Variants in PPP2R5E observed in about 807,000 individuals in gnomAD.
PPP2R5E encodes serine/threonine-protein phosphatase 2A 56 kDa regulatory subunit epsilon isoform.
Under a neutral mutation model 65.3 loss-of-function variants are expected in PPP2R5E, and 4 were observed. The observed-to-expected ratio is 0.06, with a 90% CI of 0.03 to 0.14. PPP2R5E has a LOEUF of 0.14. Ranked by LOEUF, PPP2R5E falls within the 10% of genes least tolerant of loss-of-function variation. The pLI is 1.00. For missense variants in PPP2R5E, 274 were observed against 556.1 expected (o/e 0.49, Z 5.10); for synonymous variants, 183 against 187.4 (o/e 0.98, Z 0.19).
chr14:63,382,116 A>G lies in PPP2R5E; in HGVS notation c.1244T>C (p.Met415Thr). 6.2e-7 allele frequency: 1 copy of G among 1,614,068 alleles called. No homozygotes were observed. Among genetic ancestry groups the G allele is most frequent in the Non-Finnish European group, 8.5e-7 (1 of 1,179,944 alleles). Residue 415 changes from methionine (M) to threonine (T), a missense_variant, in exon 13 of 14, where the codon ATG (methionine) becomes ACG (threonine). Coordinates refer to ENST00000337537, the MANE Select transcript of PPP2R5E (RefSeq NM_006246.5). ...ALVYNVLKAFMEMNSTMFDEL... is the reference protein window; with the variant it reads ...ALVYNVLKAFTEMNSTMFDEL... ...GTCAAACATGGTGCTGTTCATTTCC[A>G]TAAATGCCTTCAACACATTGTACAC...
intron 2 of PPP2R5E, among the ~76,000 whole-genome samples, chr14:63,478,921 G>A (rs572307136): frequency 6.0e-5 from 9 of 151,114 alleles, no homozygotes; most frequent in Non-Finnish European, 8.8e-5. Flanking sequence ...CCAGGAGTTC[G>A]AGACCAGCCT....
In PPP2R5E at chr14:63,496,711, T is replaced by G. The variant is rs538503894; in HGVS notation, c.157+42818A>C. On this transcript the variant is annotated intron_variant, in intron 2 of 13. Coordinates refer to ENST00000337537, the MANE Select transcript of PPP2R5E (RefSeq NM_006246.5). ...AATGATTCTAATTTTCCTTTTCAAT[T>G]TATTGATCTGAGTAATCAAAACTAA... 3.5e-4 allele frequency among the ~76,000 whole-genome samples: 54 copies of G among 152,252 alleles called. 1 individual carries two copies. Among genetic ancestry groups the G allele is most frequent in the African/African-American group, 1.3e-3 (53 of 41,544 alleles).
chr14:63,484,806 A>T (rs1890900279), intron 2 of PPP2R5E, among the ~76,000 whole-genome samples: 1 of 152,180 alleles, frequency 6.6e-6, no homozygotes. Context: ...TTATGGCCTA[A>T]TATTTTAGTA....
intron 4 of PPP2R5E, among the ~76,000 whole-genome samples, chr14:63,417,219 A>G (rs1378460067): frequency 6.6e-6 from 1 of 152,236 alleles, no homozygotes; most frequent in African/African-American, 2.4e-5. Flanking sequence ...TATCTAAAAA[A>G]TCACATTCTT....
chr14:63,485,238 T>G (rs984589321), intron 2 of PPP2R5E, among the ~76,000 whole-genome samples: 3 of 151,760 alleles, frequency 2.0e-5, no homozygotes, highest in African/African-American at 7.3e-5. Flanking sequence ...CAATATGAAT[T>G]AAGATATGTG....
intron 2 of PPP2R5E, among the ~76,000 whole-genome samples, chr14:63,482,874 T>C (rs1890783978): frequency 6.6e-6 from 1 of 152,152 alleles, no homozygotes; most frequent in African/African-American, 2.4e-5. Context: ...CTTGAACAAA[T>C]AATTTTGAGC....
intron 2 of PPP2R5E, among the ~76,000 whole-genome samples, chr14:63,484,323 T>C (rs1239374718): frequency 1.4e-5 from 2 of 147,576 alleles, no homozygotes; most frequent in African/African-American, 2.6e-5. Flanking sequence ...GATCGATCTC[T>C]TTCTTTCTCT....
rs534076468 is a variant in PPP2R5E, at chr14:63,463,600, C to CTT, written c.158-9717_158-9716dup. 4.3e-5 allele frequency among the ~76,000 whole-genome samples: 6 copies of CTT among 139,222 alleles called. No homozygotes were observed. In the East Asian group the frequency reaches 6.3e-4, roughly 15 times the overall value. The allele number at this position is 139,222 out of a possible 152,430, so 91.3% of individuals were successfully genotyped here. A position where few individuals can be genotyped will look rare whatever the true frequency, so the allele number is the denominator to read the frequency against. On this transcript the variant is annotated intron_variant, in intron 2 of 13. Transcript: ENST00000337537. ...ACAACTTATTTAAAACTCGAATTCG[C>CTT]TTTTTTTTTTTTTTGATACGGAGTC...
intron 3 of PPP2R5E, among the ~76,000 whole-genome samples, chr14:63,447,376 T>C (rs1330682368): frequency 1.3e-5 from 2 of 152,244 alleles, no homozygotes; most frequent in Non-Finnish European, 2.9e-5. Context: ...CACCTTGCAC[T>C]TTTATGTTAG....
intron 2 of PPP2R5E, among the ~76,000 whole-genome samples, chr14:63,485,611 T>C (rs1594929329): frequency 6.6e-6 from 1 of 151,526 alleles, no homozygotes; most frequent in Non-Finnish European, 1.5e-5. Context: ...ACGGGGTTTC[T>C]CCATGTTGGT....
chr14:63,429,022 G>A (rs909471826), intron 3 of PPP2R5E, among the ~76,000 whole-genome samples: 1 of 152,102 alleles, frequency 6.6e-6, no homozygotes, highest in African/African-American at 2.4e-5. Context: ...CGAAAGATAA[G>A]GACAATACAA....
Position 63,374,636 on chromosome 14 carries a change from TATATATA to T in PPP2R5E, c.*1366_*1372del, listed in dbSNP as rs1403817144. 3 of 42,184 alleles carry T rather than the reference TATATATA, an allele frequency of 7.1e-5. No homozygotes were observed. The highest frequency in any genetic ancestry group is 1.9e-4 in the African/African-American group (3 of 15,658). The allele number at this position is 42,184 out of a possible 1,614,324, so 2.6% of individuals were successfully genotyped here. A position where few individuals can be genotyped will look rare whatever the true frequency, so the allele number is the denominator to read the frequency against. On this transcript the variant is annotated 3_prime_UTR_variant, in exon 14 of 14. Coordinates refer to ENST00000337537, the MANE Select transcript of PPP2R5E (RefSeq NM_006246.5). ...AATACAAAGCAGAGAGCCAATAAGA[TATATATA>T]TATATATATATATATATATATATAT...
chr14:63,435,533 G>C (rs1316956854), intron 3 of PPP2R5E, among the ~76,000 whole-genome samples: 1 of 152,146 alleles, frequency 6.6e-6, no homozygotes, highest in East Asian at 1.9e-4. Flanking sequence ...TCTTCATAGG[G>C]TCTGGAGAAA....
intron 2 of PPP2R5E, among the ~76,000 whole-genome samples, chr14:63,524,727 C>T (rs767033522): frequency 1.3e-5 from 2 of 152,182 alleles, no homozygotes; most frequent in African/African-American, 2.4e-5. Context: ...TTGTGCCCAG[C>T]TCCCCGGCCT....
chr14:63,524,996 T>A (rs960621336), intron 2 of PPP2R5E, among the ~76,000 whole-genome samples: 6 of 152,234 alleles, frequency 3.9e-5, no homozygotes, highest in African/African-American at 1.4e-4. Context: ...AACAAGGAAG[T>A]TACCAGCTTT....
intron 11 of PPP2R5E, among the ~76,000 whole-genome samples, chr14:63,385,745 T>C (rs143097289): frequency 2.7e-5 from 4 of 149,982 alleles, no homozygotes; most frequent in African/African-American, 5.0e-5. Flanking sequence ...CTGAGTAATG[T>C]AGGCAAGGTT....
In PPP2R5E at chr14:63,524,793, C is replaced by A. The variant is rs185265072; in HGVS notation, c.157+14736G>T. ...CGGCCTGCCACACCTCTCCCCATCA[C>A]CACCCACAGTGCTGCTGCAGGCCTG... On this transcript the variant is annotated intron_variant, in intron 2 of 13. Transcript: ENST00000337537. 7.2e-5 allele frequency among the ~76,000 whole-genome samples: 11 copies of A among 152,342 alleles called. No individual in the cohort carries two copies. In the East Asian group the frequency reaches 1.7e-3, roughly 24 times the overall value.
chr14:63,407,091 T>G (rs559635970), intron 5 of PPP2R5E, among the ~76,000 whole-genome samples: 10 of 152,330 alleles, frequency 6.6e-5, no homozygotes, highest in African/African-American at 2.4e-4. Context: ...TGTATAGGTA[T>G]TTAGTTGTTA....
chr14:63,508,467 C>T (rs1169667407), intron 2 of PPP2R5E, among the ~76,000 whole-genome samples: 1 of 152,182 alleles, frequency 6.6e-6, no homozygotes, highest in Non-Finnish European at 1.5e-5. Flanking sequence ...TATTAGCTAA[C>T]ATTTCCTGAG....
Sources: allele counts gnomAD v4.1 joint callset (sites outside exome capture counted in the v4.1 genomes callset), GRCh38; gene constraint gnomAD v4.1.1; transcripts MANE v1.5; gene names NCBI Gene and HGNC (gene_info 2026-07-23, HGNC 2026-07-21).